The following PRKG1 variants were observed in gnomAD, a reference collection of about 807,000 sequenced individuals.
PRKG1 encodes cGMP-dependent protein kinase 1.
PRKG1 carries 35 observed loss-of-function variants against 88.1 expected under a neutral mutation model. The ratio of observed to expected loss-of-function variants is 0.40; its 90% CI spans 0.30 to 0.53. The LOEUF (loss-of-function observed/expected upper bound fraction) is 0.53. PRKG1 is among the 20% of genes least tolerant of loss of function. The pLI, the probability that PRKG1 is intolerant of heterozygous loss-of-function variation, is 0.59. For missense variants in PRKG1, 540 were observed against 839.8 expected (o/e 0.64, Z 4.41); for synonymous variants, 303 against 292.5 (o/e 1.04, Z -0.37).
At chr10:52,034,279 T>G (rs1186194242) in intron 5 of PRKG1, among the ~76,000 whole-genome samples, 2 of 145,992 alleles carry the variant, frequency 1.4e-5, no homozygotes, top group Non-Finnish European at 3.0e-5. Context: ...CAAAAATTTT[T>G]GGGTGGTGGT....
intron 7 of PRKG1, among the ~76,000 whole-genome samples, chr10:52,101,515 G>A (rs1437874946): frequency 3.3e-5 from 5 of 152,076 alleles, no homozygotes; most frequent in Non-Finnish European, 7.4e-5. Context: ...AGAAGCAAAG[G>A]ATCAGTTTTC....
intron 5 of PRKG1, among the ~76,000 whole-genome samples, chr10:51,950,979 G>T (rs1297841612): frequency 6.6e-6 from 1 of 152,238 alleles, no homozygotes; most frequent in Non-Finnish European, 1.5e-5. Flanking sequence ...CTGAGTCCCG[G>T]AGCTTTTATG....
At chr10:51,612,480 G>A (rs181188607) in intron 3 of PRKG1, among the ~76,000 whole-genome samples, 1 of 151,934 alleles carries the variant, frequency 6.6e-6, no homozygotes, top group African/African-American at 2.4e-5. Flanking sequence ...TGTTGATTTT[G>A]TATCTAGCAA....
chr10:51,924,002 A>AT (rs948793526), intron 5 of PRKG1, among the ~76,000 whole-genome samples: 6 of 151,536 alleles, frequency 4.0e-5, no homozygotes, highest in Non-Finnish European at 8.8e-5. Context: ...TAATTTTTAA[A>AT]TTTTTTTGTA....
chr10:51,995,578 C>T (rs1440340259), intron 5 of PRKG1, among the ~76,000 whole-genome samples: 2 of 151,848 alleles, frequency 1.3e-5, no homozygotes, highest in East Asian at 1.9e-4. Flanking sequence ...GTATGCCTGT[C>T]TTTTCTCCTC....
chr10:51,842,281 G>A (rs2132780850), intron 4 of PRKG1, among the ~76,000 whole-genome samples: 1 of 152,298 alleles, frequency 6.6e-6, no homozygotes, highest in Non-Finnish European at 1.5e-5. Context: ...ATCTGGGATT[G>A]CTAAGGTAAA....
chr10:52,196,250 T>TCATGATC (rs1441264065), intron 9 of PRKG1, among the ~76,000 whole-genome samples: 4 of 152,090 alleles, frequency 2.6e-5, no homozygotes, highest in Non-Finnish European at 4.4e-5. Context: ...TCTCCTGACC[T>TCATGATC]CATGATCCGC....
At chr10:51,440,413 A>G (rs1839067049) in intron 2 of PRKG1, among the ~76,000 whole-genome samples, 2 of 151,886 alleles carry the variant, frequency 1.3e-5, no homozygotes, top group South Asian at 4.1e-4. Context: ...AAATTTTAAC[A>G]CTAGAATTTT....
chr10:52,253,096 G>A (rs74372057), intron 10 of PRKG1, among the ~76,000 whole-genome samples: 5,245 of 151,992 alleles, frequency 0.035, 455 homozygotes, highest in East Asian at 0.33. Flanking sequence ...TTATATAGTT[G>A]CGTATTTCTA....
At chr10:51,646,829 T>G (rs1839925876) in intron 3 of PRKG1, among the ~76,000 whole-genome samples, 1 of 152,024 alleles carries the variant, frequency 6.6e-6, no homozygotes, top group Non-Finnish European at 1.5e-5. Flanking sequence ...ATGGACAAAA[T>G]AGGTGCCTAG....
At chr10:51,393,146 G>GT (rs1837479351) in intron 2 of PRKG1, among the ~76,000 whole-genome samples, 19 of 145,084 alleles carry the variant, frequency 1.3e-4, no homozygotes, top group Non-Finnish European at 2.9e-4. Flanking sequence ...CTCAGACGGG[G>GT]CGGCCGGGCA....
chr10:51,309,777 A>G (rs1841136813), intron 2 of PRKG1, among the ~76,000 whole-genome samples: 1 of 152,352 alleles, frequency 6.6e-6, no homozygotes, highest in East Asian at 1.9e-4. Context: ...TTGTTATATC[A>G]AGAAGATACC....
chr10:51,987,138 G>A (rs918004318), intron 5 of PRKG1, among the ~76,000 whole-genome samples: 1 of 152,008 alleles, frequency 6.6e-6, no homozygotes, highest in Non-Finnish European at 1.5e-5. Flanking sequence ...TCTATTAGAA[G>A]CATCATATTA....
At chr10:52,038,637 A>C (rs1589546839) in intron 5 of PRKG1, among the ~76,000 whole-genome samples, 1 of 152,084 alleles carries the variant, frequency 6.6e-6, no homozygotes, top group Non-Finnish European at 1.5e-5. Context: ...GGGTTGAGGT[A>C]CTTGCCCCTT....
At chr10:51,604,085 C>G (rs1838689960) in intron 3 of PRKG1, among the ~76,000 whole-genome samples, 1 of 104,042 alleles carries the variant, frequency 9.6e-6, no homozygotes, top group Non-Finnish European at 2.0e-5. Context: ...GATCTGGTCC[C>G]TGCCTTTTTT....
intron 10 of PRKG1, among the ~76,000 whole-genome samples, chr10:52,268,688 C>CA (rs893025551): frequency 8.7e-5 from 13 of 149,646 alleles, no homozygotes; most frequent in African/African-American, 2.0e-4. Flanking sequence ...TAGCTTGGGC[C>CA]AAAAAAAAAC....
chr10:51,813,935 T>C (rs1023233277), intron 4 of PRKG1, among the ~76,000 whole-genome samples: 2 of 152,174 alleles, frequency 1.3e-5, no homozygotes, highest in African/African-American at 4.8e-5. Context: ...CAAGTGACAA[T>C]GTCTTAGAAT....
At chr10:52,037,128 C>G (rs1272709238) in intron 5 of PRKG1, among the ~76,000 whole-genome samples, 1 of 152,174 alleles carries the variant, frequency 6.6e-6, no homozygotes, top group South Asian at 2.1e-4. Context: ...TTGAACAGTC[C>G]GATTTTCAGT....
chr10:51,505,400 G>A (rs1016112477), intron 3 of PRKG1, among the ~76,000 whole-genome samples: 26 of 152,102 alleles, frequency 1.7e-4, no homozygotes, highest in Admixed American at 2.6e-4. Context: ...TTTTTGCATC[G>A]ATGTTCATCA....
Sources: gnomAD v4.1 joint callset for allele counts (sites outside exome capture counted in the v4.1 genomes callset) on GRCh38, gnomAD v4.1.1 for gene constraint, MANE v1.5 for transcripts, NCBI Gene and HGNC (gene_info 2026-07-23, HGNC 2026-07-21) for gene names.